ZC3H12B: variants seen among roughly 807,000 people sequenced by gnomAD.
The protein encoded by ZC3H12B is zinc finger CCCH-type containing 12B, also known as probable ribonuclease ZC3H12B.
Under a neutral mutation model 43.9 loss-of-function variants are expected in ZC3H12B, and 7 were observed. The observed-to-expected ratio is 0.16, with a 90% CI of 0.09 to 0.30. ZC3H12B has a LOEUF of 0.30. Among genes scored for constraint, ZC3H12B ranks in the 10% least tolerant of loss-of-function variants. The probability of loss-of-function intolerance (pLI) is 1.00; values close to 1 mark genes in which losing one functional copy is unlikely to be tolerated. For synonymous variants in ZC3H12B, 222 were observed against 241.7 expected, an observed-to-expected ratio of 0.92 and a Z score of 0.76; for missense variants, 475 against 670.2, an observed-to-expected ratio of 0.71 and a Z score of 3.22.
At chrX:65,292,021 G>A in the ZC3H12B span, among the ~76,000 whole-genome samples, 1 of 111,529 alleles carries the variant, frequency 9.0e-6, no homozygotes, top group Non-Finnish European at 1.9e-5. Flanking sequence ...AAATATGTGA[G>A]GTGACAACTT....
At chrX:65,382,430 T>C (rs1602350334) in intron 2 of ZC3H12B, among the ~76,000 whole-genome samples, 1 of 111,382 alleles carries the variant, frequency 9.0e-6, no homozygotes, top group African/African-American at 3.3e-5. Context: ...TCTCAATAAA[T>C]TACGTATTGA....
the ZC3H12B span, chrX:65,330,944 A>G: frequency 3.2e-6 from 1 of 307,855 alleles, no homozygotes; most frequent in Non-Finnish European, 6.4e-6. Context: ...TACACACAAG[A>G]TGTCTTCTTT....
chrX:65,144,966 G>A, the ZC3H12B span, among the ~76,000 whole-genome samples: 1 of 111,935 alleles, frequency 8.9e-6, no homozygotes, highest in African/African-American at 3.2e-5. Context: ...ACAATGTTCT[G>A]TATTTGTCAG....
At chrX:65,395,005 CTCTG>C (rs1039274091) in intron 2 of ZC3H12B, among the ~76,000 whole-genome samples, 3 of 111,196 alleles carry the variant, frequency 2.7e-5, no homozygotes, top group Admixed American at 1.9e-4. Context: ...TGACTTGGTT[CTCTG>C]TCTATTATTG....
chrX:65,262,512 A>G, the ZC3H12B span, among the ~76,000 whole-genome samples: 1 of 111,667 alleles, frequency 9.0e-6, no homozygotes, highest in African/African-American at 3.2e-5. Context: ...CTTGTTTGAT[A>G]GTTTTATCGT....
chrX:65,119,937 G>C, the ZC3H12B span, among the ~76,000 whole-genome samples: 1 of 111,758 alleles, frequency 8.9e-6, no homozygotes, highest in Non-Finnish European at 1.9e-5. Flanking sequence ...TGTCAGGTTT[G>C]TCAAAGATCA....
the ZC3H12B span, among the ~76,000 whole-genome samples, chrX:65,305,887 G>A: frequency 8.9e-6 from 1 of 111,919 alleles, no homozygotes; most frequent in Non-Finnish European, 1.9e-5. Context: ...AATGGTGGAT[G>A]TTGGGCTAGA....
the ZC3H12B span, among the ~76,000 whole-genome samples, chrX:65,320,007 C>T: frequency 9.0e-6 from 1 of 111,319 alleles, no homozygotes; most frequent in Non-Finnish European, 1.9e-5. Context: ...AGGGTGCCCT[C>T]TCTCACCACT....
the ZC3H12B span, among the ~76,000 whole-genome samples, chrX:65,062,260 C>T: frequency 8.9e-6 from 1 of 112,342 alleles, no homozygotes; most frequent in South Asian, 3.7e-4. Context: ...ATGGTATTGC[C>T]TAGGCTTTCT....
At chrX:65,389,687 A>C in intron 2 of ZC3H12B, among the ~76,000 whole-genome samples, 1 of 112,339 alleles carries the variant, frequency 8.9e-6, no homozygotes, top group Non-Finnish European at 1.9e-5. Flanking sequence ...CCAGTACCTC[A>C]ATTGGAAATG....
chrX:65,452,841 A>AACACACACACACAC (rs111853414), intron 3 of ZC3H12B, among the ~76,000 whole-genome samples: 1,869 of 92,188 alleles, frequency 0.02, 77 homozygotes, highest in African/African-American at 0.075. Context: ...ACTCCATCTA[A>AACACACACACACAC]ACACACACAC....
At chrX:65,212,681 A>T in the ZC3H12B span, among the ~76,000 whole-genome samples, 8 of 89,504 alleles carry the variant, frequency 8.9e-5, no homozygotes, top group African/African-American at 2.9e-4. Flanking sequence ...TATGATTTAT[A>T]TATCATATAT....
chrX:65,079,231 G>A, the ZC3H12B span, among the ~76,000 whole-genome samples: 1 of 112,932 alleles, frequency 8.9e-6, no homozygotes, highest in Middle Eastern at 4.2e-3. Context: ...GACGTCTAAG[G>A]TTTTTTACTT....
chrX:65,217,540 G>C, the ZC3H12B span, among the ~76,000 whole-genome samples: 1 of 111,964 alleles, frequency 8.9e-6, no homozygotes, highest in Non-Finnish European at 1.9e-5. Flanking sequence ...GTTTTCTTCA[G>C]GAAGCTTGAC....
chrX:65,364,409 CAAAA>C (rs796078421), upstream of ZC3H12B, among the ~76,000 whole-genome samples: 1 of 55,813 alleles, frequency 1.8e-5, no homozygotes, highest in African/African-American at 6.9e-5. Context: ...GCTTTACTTC[CAAAA>C]AAAAAAAAAA....
At chrX:65,094,832 G>A in the ZC3H12B span, among the ~76,000 whole-genome samples, 1 of 112,290 alleles carries the variant, frequency 8.9e-6, no homozygotes, top group Non-Finnish European at 1.9e-5. Context: ...TCTGCAGCAT[G>A]AAGACATATG....
At chrX:65,379,216 C>T (rs1390363344) in intron 2 of ZC3H12B, among the ~76,000 whole-genome samples, 2 of 111,899 alleles carry the variant, frequency 1.8e-5, no homozygotes, top group East Asian at 2.8e-4. Context: ...TGTCTGACAG[C>T]TTTGAAGAGA....
the ZC3H12B span, among the ~76,000 whole-genome samples, chrX:65,200,758 G>C: frequency 9.0e-6 from 1 of 110,758 alleles, no homozygotes; most frequent in East Asian, 2.8e-4. Flanking sequence ...TTCTTCTGCT[G>C]TGCAGAAGCT....
chrX:65,428,713 G>A (rs191405568), intron 3 of ZC3H12B, among the ~76,000 whole-genome samples: 29 of 112,099 alleles, frequency 2.6e-4, no homozygotes, highest in Non-Finnish European at 4.7e-4. Flanking sequence ...CTTTAGCTCA[G>A]TGATGTTTGT....
Sources: allele counts gnomAD v4.1 joint callset (sites outside exome capture counted in the v4.1 genomes callset), GRCh38; gene constraint gnomAD v4.1.1; transcripts MANE v1.5; gene names NCBI Gene and HGNC (gene_info 2026-07-23, HGNC 2026-07-21).